KMT2E: variants seen among roughly 807,000 people sequenced by gnomAD.
KMT2E encodes the protein lysine methyltransferase 2E (inactive).
Under a neutral mutation model 184.6 loss-of-function variants are expected in KMT2E, and 30 were observed. The observed-to-expected ratio is 0.16, with a 90% confidence interval of 0.12 to 0.22. KMT2E has a LOEUF of 0.22. KMT2E is among the 10% of genes least tolerant of loss of function. The probability of loss-of-function intolerance (pLI) is 1.00; values close to 1 mark genes in which losing one functional copy is unlikely to be tolerated. For missense variants in KMT2E, 2,023 were observed against 2,237.4 expected (o/e 0.90, Z 1.93); for synonymous variants, 815 against 776.5 (o/e 1.05, Z -0.82).
At position 105,106,762 on chromosome 7, in the gene KMT2E, T is replaced by C. The variant is rs775109176; in HGVS notation, c.2837T>C (p.Met946Thr). 1 of 1,613,456 alleles carries C rather than the reference T, an allele frequency of 6.2e-7. No homozygotes were observed. Among genetic ancestry groups the C allele is most frequent in the South Asian group, 1.1e-5 (1 of 91,066 alleles). The change falls in exon 20 of 27, where the codon ATG (methionine) becomes ACG (threonine). Residue 946 changes from methionine (M) to threonine (T), a missense_variant. By Grantham distance (81) the Met-to-Thr change is moderately conservative. This residue lies in a region of KMT2E where 514 missense variants were observed against 621.8 expected (regional missense o/e 0.83). Transcript: ENST00000311117. Reference sequence around the variant, plus strand: ...ACTCCTGGTACACCAGGAAATACCATGCACTTTGAGGTGAGAAATTTTAAT... The same window carrying C: ...ACTCCTGGTACACCAGGAAATACCACGCACTTTGAGGTGAGAAATTTTAAT... ...PVTPGTPGNT[M>T]HFENISSPES...
chr7:105,050,626 CTTTTCTTTTCTCTTTTCTT>C (rs1796289928), intron 3 of KMT2E, among the ~76,000 whole-genome samples: 1 of 140,874 alleles, frequency 7.1e-6, no homozygotes, highest in African/African-American at 2.6e-5. Flanking sequence ...TTTTCCTTTT[CTTTTCTTTTCTCTTTTCTT>C]TTTTCTTTCT....
rs572087915 is a variant in KMT2E at position 105,071,550 on chromosome 7, G to A, written c.498-2069G>A. ...CCTGCTAATTTGTGTGTGTATGTGT[G>A]TGTGTATGTATGTATGTATGTATGT... On this transcript the variant is annotated intron_variant, in intron 6 of 26. Coordinates refer to ENST00000311117, the MANE Select transcript of KMT2E (RefSeq NM_182931.3). 2.2e-3 allele frequency among the ~76,000 whole-genome samples: 280 copies of A among 129,806 alleles called. 1 individual carries two copies. The highest frequency in any genetic ancestry group is 7.7e-3 in the African/African-American group (267 of 34,802). The allele number at this position is 129,806 out of a possible 152,430, so 85.2% of individuals were successfully genotyped here.
chr7:105,081,117 C>T (rs1372740705), intron 12 of KMT2E, among the ~76,000 whole-genome samples: 2 of 144,104 alleles, frequency 1.4e-5, no homozygotes, highest in African/African-American at 2.6e-5. Context: ...TGCGGTGGCT[C>T]ACGCCTGTAA....
chr7:105,042,706 C>T (rs1795934899), intron 3 of KMT2E, among the ~76,000 whole-genome samples: 1 of 152,152 alleles, frequency 6.6e-6, no homozygotes, highest in African/African-American at 2.4e-5. Context: ...GGACAATTGT[C>T]ATACCAAACT....
intron 3 of KMT2E, among the ~76,000 whole-genome samples, chr7:105,058,422 T>G (rs1261588568): frequency 6.6e-6 from 1 of 152,238 alleles, no homozygotes; most frequent in African/African-American, 2.4e-5. Flanking sequence ...CATGGTTATT[T>G]GTTGCCCAGA....
chr7:105,110,798 C>CAACTACG lies in KMT2E; in HGVS notation c.4001_4007dup (p.Glu1337TyrfsTer3). The stretch of plus-strand genomic sequence containing the variant: ...CCTGATCCTGAAAATCCAGAACCCA[C>CAACTACG]AACTACGAATGAATGTCCATCCCCA... On this transcript the variant is annotated frameshift_variant, in exon 26 of 27. Transcript: ENST00000311117. LOFTEE classifies it high-confidence loss of function. 1 of 1,613,974 alleles carries CAACTACG rather than the reference C, an allele frequency of 6.2e-7. No individual in the cohort carries two copies. Among genetic ancestry groups the CAACTACG allele is most frequent in the Non-Finnish European group, 8.5e-7 (1 of 1,179,840 alleles).
rs1051936307 is a variant in KMT2E at position 105,114,560 on chromosome 7, T to C, written c.*1227T>C. Among the ~76,000 whole-genome samples, 4 of 152,204 alleles carry C rather than the reference T, an allele frequency of 2.6e-5. No individual in the cohort carries two copies. Among genetic ancestry groups the C allele is most frequent in the African/African-American group, 9.6e-5 (4 of 41,456 alleles). On this transcript the variant is annotated 3_prime_UTR_variant, in exon 27 of 27. Coordinates refer to ENST00000311117, the MANE Select transcript of KMT2E (RefSeq NM_182931.3). Reference sequence around the variant, plus strand: ...TATTAATCTTCAAAAAATTAAAAATTTCCCAGCCTTTGTCTTCTACCTCTG... The same window carrying C: ...TATTAATCTTCAAAAAATTAAAAATCTCCCAGCCTTTGTCTTCTACCTCTG...
intron 1 of KMT2E, among the ~76,000 whole-genome samples, chr7:105,024,242 T>C (rs943335041): frequency 1.3e-5 from 2 of 152,206 alleles, no homozygotes; most frequent in African/African-American, 4.8e-5. Flanking sequence ...ACTTAGCATT[T>C]GGTAGGTGCT....
intron 1 of KMT2E, among the ~76,000 whole-genome samples, chr7:105,030,964 T>C (rs1795387090): frequency 6.6e-6 from 1 of 152,178 alleles, no homozygotes. Context: ...AAATCTCAAG[T>C]TTTCTAGTAT....
intron 13 of KMT2E, among the ~76,000 whole-genome samples, chr7:105,082,918 C>T (rs1332955763): frequency 6.6e-6 from 1 of 152,174 alleles, no homozygotes; most frequent in Non-Finnish European, 1.5e-5. Context: ...CATCTTCTTT[C>T]TCATCATCTG....
At chr7:105,107,266 T>TATTA (rs777281717) in intron 21 of KMT2E, 44 bp downstream of exon 21, 1 of 1,500,296 alleles carries the variant, frequency 6.7e-7, no homozygotes, top group Non-Finnish European at 9.1e-7. Context: ...GTTTTTTTCC[T>TATTA]ATTACATTGT....
At chr7:105,100,512 G>A (rs1798606736) in intron 15 of KMT2E, among the ~76,000 whole-genome samples, 1 of 152,154 alleles carries the variant, frequency 6.6e-6, no homozygotes, top group Admixed American at 6.5e-5. Flanking sequence ...GTTGATGGAT[G>A]TGGTTCCTGG....
Position 105,063,380 on chromosome 7 carries a change from G to C in KMT2E, c.216G>C (p.Pro72=), listed in dbSNP as rs764413185. 6.2e-7 allele frequency: 1 copy of C among 1,611,694 alleles called. No homozygotes were observed. The highest frequency in any genetic ancestry group is 1.1e-5 in the South Asian group (1 of 90,664). The change falls in exon 5 of 27, where the codon CCG becomes CCC. Residue 72 remains proline (P), a synonymous_variant. Transcript: ENST00000311117. ...ATAATTATGGTGCTCGTCCTCCTCC[G>C]ACACCTCCGGCTTCCCCTCCTCCAT... is the stretch of plus-strand genomic sequence containing the variant. ...ADHNYGARPP[P]TPPASPPPSV...
Position 105,110,550 on chromosome 7 carries a change from AC to A in KMT2E, c.3922del (p.Gln1308SerfsTer47). 6.2e-7 allele frequency: 1 copy of A among 1,613,982 alleles called. No individual in the cohort carries two copies. Among genetic ancestry groups the A allele is most frequent in the Non-Finnish European group, 8.5e-7 (1 of 1,179,948 alleles). On this transcript the variant is annotated frameshift_variant, in exon 25 of 27. Coordinates refer to ENST00000311117, the MANE Select transcript of KMT2E (RefSeq NM_182931.3). LOFTEE classifies it high-confidence loss of function. ...SSPSSHSNHIPQLQAKGPVPS... is the reference protein window; with the variant it reads ...SSPSSHSNHIXQLQAKGPVPS... ...CACCTTCATCTCATTCAAATCACATACCCCAGTTGCAAGCTAAGGGCCCAGT... is the reference window on the plus strand; with the variant it reads ...CACCTTCATCTCATTCAAATCACATACCCAGTTGCAAGCTAAGGGCCCAGT...
At chr7:105,068,014 A>C (rs552509437) in intron 6 of KMT2E, among the ~76,000 whole-genome samples, 1 of 152,298 alleles carries the variant, frequency 6.6e-6, no homozygotes, top group South Asian at 2.1e-4. Context: ...ACATGGAACA[A>C]AATCTCTGGC....
At chr7:105,074,839 T>C in intron 8 of KMT2E, 24 bp downstream of exon 8, 1 of 1,573,238 alleles carries the variant, frequency 6.4e-7, no homozygotes, top group Non-Finnish European at 8.6e-7. Flanking sequence ...TGTTTTTAGG[T>C]GAGTGGATAG....
intron 6 of KMT2E, among the ~76,000 whole-genome samples, chr7:105,072,587 G>GATGT (rs998067114): frequency 2.0e-5 from 3 of 152,150 alleles, no homozygotes; most frequent in African/African-American, 7.2e-5. Flanking sequence ...TACTATGGAT[G>GATGT]ATGTAGTTCA....
At chr7:105,062,067 C>A in intron 3 of KMT2E, 97 bp from the exon 4 acceptor site, 1 of 767,780 alleles carries the variant, frequency 1.3e-6, no homozygotes, top group Non-Finnish European at 2.3e-6. Context: ...ATTTGTATAG[C>A]CATTATTTTG....
chr7:105,060,089 G>A (rs888328407), intron 3 of KMT2E, among the ~76,000 whole-genome samples: 1 of 134,002 alleles, frequency 7.5e-6, no homozygotes, highest in African/African-American at 2.8e-5. Flanking sequence ...TCTGCCACCT[G>A]GGTTCAAGTG....
Sources: allele counts gnomAD v4.1 joint callset (sites outside exome capture counted in the v4.1 genomes callset), GRCh38; gene constraint gnomAD v4.1.1; regional missense constraint gnomAD v4.1.1; transcripts MANE v1.5; gene names NCBI Gene and HGNC (gene_info 2026-07-23, HGNC 2026-07-21).